The following PRMT3 variants were observed in gnomAD, a reference collection of about 807,000 sequenced individuals.
PRMT3 encodes the protein protein arginine N-methyltransferase 3.
Under a neutral mutation model 71.9 loss-of-function variants are expected in PRMT3, and 62 were observed. That is an observed-to-expected ratio of 0.86 (90% confidence interval 0.70 to 1.07). The LOEUF (loss-of-function observed/expected upper bound fraction) is 1.07. Ranked by LOEUF, PRMT3 falls within the 50% of genes least tolerant of loss-of-function variation. The probability of loss-of-function intolerance (pLI) is 0.00; values close to 1 mark genes in which losing one functional copy is unlikely to be tolerated. For synonymous variants in PRMT3, 213 were observed against 220.4 expected (o/e 0.97, Z 0.30); for missense variants, 663 against 643.0 (o/e 1.03, Z -0.34).
intron 10 of PRMT3, among the ~76,000 whole-genome samples, chr11:20,436,026 G>C (rs1849752811): frequency 6.6e-6 from 1 of 152,102 alleles, no homozygotes; most frequent in African/African-American, 2.4e-5. Flanking sequence ...TCATTGTAGA[G>C]ATCTTTCAAC....
chr11:20,467,053 GAGTGGAGTTACAGGTGT>G (rs1235009226), intron 13 of PRMT3, among the ~76,000 whole-genome samples: 1 of 152,166 alleles, frequency 6.6e-6, no homozygotes, highest in African/African-American at 2.4e-5. Context: ...CAGGAGGTTG[GAGTGGAGTTACAGGTGT>G]CTAGTTACTG....
At chr11:20,503,656 CATT>C (rs1851511104) in intron 15 of PRMT3, among the ~76,000 whole-genome samples, 1 of 150,900 alleles carries the variant, frequency 6.6e-6, no homozygotes, top group African/African-American at 2.4e-5. Flanking sequence ...ATTCTTCTAT[CATT>C]AGGTTGTTCC....
intron 9 of PRMT3, among the ~76,000 whole-genome samples, chr11:20,410,354 A>G (rs1444540578): frequency 6.6e-6 from 1 of 152,072 alleles, no homozygotes; most frequent in East Asian, 1.9e-4. Flanking sequence ...GGTCATCTAA[A>G]CACTTCGTGA....
At chr11:20,399,441 GTTA>G (rs969078582) in intron 7 of PRMT3, among the ~76,000 whole-genome samples, 4 of 152,070 alleles carry the variant, frequency 2.6e-5, no homozygotes, top group Admixed American at 1.3e-4. Context: ...TAATAGATAT[GTTA>G]TTATAAGTAA....
chr11:20,472,253 A>G (rs1324768968), intron 13 of PRMT3, among the ~76,000 whole-genome samples: 5 of 152,150 alleles, frequency 3.3e-5, no homozygotes, highest in African/African-American at 9.7e-5. Flanking sequence ...AGGAGTGGTG[A>G]GAGAGGGCAT....
At chr11:20,489,908 C>T (rs1435680182) in intron 13 of PRMT3, among the ~76,000 whole-genome samples, 1 of 150,314 alleles carries the variant, frequency 6.7e-6, no homozygotes, top group African/African-American at 2.5e-5. Flanking sequence ...GGGACTCCAT[C>T]TCTAAAATTA....
At chr11:20,462,900 C>T (rs1199635255) in intron 12 of PRMT3, among the ~76,000 whole-genome samples, 6 of 151,192 alleles carry the variant, frequency 4.0e-5, no homozygotes, top group African/African-American at 7.3e-5. Flanking sequence ...GAGTCTCACT[C>T]TGTCGCCCAG....
chr11:20,450,074 A>G (rs1850114959), intron 10 of PRMT3, among the ~76,000 whole-genome samples: 1 of 152,192 alleles, frequency 6.6e-6, no homozygotes, highest in Non-Finnish European at 1.5e-5. Context: ...TGATAAGGTA[A>G]CAGCTGAGCT....
chr11:20,451,846 C>T (rs2133386919), intron 10 of PRMT3, among the ~76,000 whole-genome samples: 1 of 152,206 alleles, frequency 6.6e-6, no homozygotes, highest in African/African-American at 2.4e-5. Context: ...TCTATCCAAA[C>T]ATTTTTTAAT....
At chr11:20,445,711 C>T (rs1198032619) in intron 10 of PRMT3, among the ~76,000 whole-genome samples, 1 of 152,096 alleles carries the variant, frequency 6.6e-6, no homozygotes, top group Non-Finnish European at 1.5e-5. Flanking sequence ...CTCTCCTGAC[C>T]TTTATGATAA....
At chr11:20,402,286 A>G (rs969440112) in intron 7 of PRMT3, among the ~76,000 whole-genome samples, 3 of 151,708 alleles carry the variant, frequency 2.0e-5, no homozygotes, top group Non-Finnish European at 4.4e-5. Context: ...CACCCGACTA[A>G]TTTTGTATTT....
intron 7 of PRMT3, among the ~76,000 whole-genome samples, chr11:20,399,991 A>T (rs1425399601): frequency 6.6e-6 from 1 of 152,220 alleles, no homozygotes; most frequent in Non-Finnish European, 1.5e-5. Flanking sequence ...TATAGGACAT[A>T]TGGATAGTTG....
At chr11:20,421,893 A>G (rs1252650237) in intron 9 of PRMT3, among the ~76,000 whole-genome samples, 2 of 152,202 alleles carry the variant, frequency 1.3e-5, no homozygotes, top group Non-Finnish European at 2.9e-5. Flanking sequence ...TAATTTCTAC[A>G]TACATTGTCA....
intron 9 of PRMT3, among the ~76,000 whole-genome samples, chr11:20,422,714 A>G (rs772845559): frequency 9.9e-5 from 15 of 152,068 alleles, no homozygotes; most frequent in Non-Finnish European, 1.8e-4. Context: ...TTTGTGATTC[A>G]TGGGTCTGCA....
At position 20,387,886 on chromosome 11, in the gene PRMT3, G is replaced by C; in HGVS notation, c.28+112G>C. 6.5e-7 allele frequency: 1 copy of C among 1,543,152 alleles called. No homozygotes were observed. Among genetic ancestry groups the C allele is most frequent in the Non-Finnish European group, 8.7e-7 (1 of 1,143,432 alleles). ...GCCCGGGCAGGGTGGGGGGCTCGCA[G>C]GGATCATGAAGGAGGTGCTGAGTGA... On this transcript the variant is annotated intron_variant, in intron 1 of 15. Coordinates refer to ENST00000331079, the MANE Select transcript of PRMT3 (RefSeq NM_005788.4). The surrounding 1 kb of genome is among the most constrained non-coding windows in gnomAD (Gnocchi z 4.3).
chr11:20,408,656 C>A (rs1233278794), intron 9 of PRMT3, among the ~76,000 whole-genome samples: 1 of 152,140 alleles, frequency 6.6e-6, no homozygotes, highest in African/African-American at 2.4e-5. Flanking sequence ...GCTGACACAA[C>A]TGAATTTCTT....
At chr11:20,474,423 G>T (rs1213183235) in intron 13 of PRMT3, among the ~76,000 whole-genome samples, 1 of 152,234 alleles carries the variant, frequency 6.6e-6, no homozygotes, top group African/African-American at 2.4e-5. Flanking sequence ...CCTGGATTCA[G>T]TTCCCCTCCT....
At chr11:20,411,094 G>A (rs996129748) in intron 9 of PRMT3, among the ~76,000 whole-genome samples, 6 of 152,062 alleles carry the variant, frequency 3.9e-5, no homozygotes, top group Non-Finnish European at 7.4e-5. Context: ...TTTTTATATA[G>A]TAATAATGAG....
chr11:20,457,766 A>G (rs1319740170), intron 11 of PRMT3, among the ~76,000 whole-genome samples: 1 of 152,216 alleles, frequency 6.6e-6, no homozygotes, highest in Non-Finnish European at 1.5e-5. Context: ...AGCCACTGGC[A>G]TTGGTTCATA....
Sources: allele counts gnomAD v4.1 joint callset (sites outside exome capture counted in the v4.1 genomes callset), GRCh38; gene constraint gnomAD v4.1.1; non-coding constraint Gnocchi (gnomAD v3.1); transcripts MANE v1.5; gene names NCBI Gene and HGNC (gene_info 2026-07-23, HGNC 2026-07-21).